The following NACC2 variants were observed in gnomAD, a reference collection of about 807,000 sequenced individuals.
NACC2 encodes NACC family member 2, also known as nucleus accumbens-associated protein 2.
NACC2 carries 8 observed loss-of-function variants against 25.1 expected under a neutral mutation model. The observed-to-expected ratio is 0.32, with a 90% CI of 0.19 to 0.57. NACC2 has a LOEUF of 0.57. NACC2 is among the 20% of genes least tolerant of loss of function. NACC2 has a pLI of 0.89. For synonymous variants in NACC2, 435 were observed against 294.7 expected (o/e 1.48, Z -4.88); for missense variants, 644 against 650.2 (o/e 0.99, Z 0.10).
At position 136,060,592 on chromosome 9, in the gene NACC2, C is replaced by T. The variant is rs549494219; in HGVS notation, c.-59-10012G>A. Among the ~76,000 whole-genome samples, 25 of 152,364 alleles carry T rather than the reference C, an allele frequency of 1.6e-4. 1 individual carries two copies. The highest frequency in any genetic ancestry group is 4.3e-4 in the African/African-American group (18 of 41,590). On this transcript the variant is annotated intron_variant, in intron 1 of 5. Coordinates refer to ENST00000277554, the MANE Select transcript of NACC2 (RefSeq NM_144653.5). ...GACTCATCTGGTTCAGTCCCTGGCC[C>T]GAGAAGGCCAAGCCCTGCTTGATCC...
intron 1 of NACC2, among the ~76,000 whole-genome samples, chr9:136,077,041 G>A (rs1018044106): frequency 6.6e-6 from 1 of 151,708 alleles, no homozygotes; most frequent in African/African-American, 2.4e-5. Context: ...ATAGCCGGGT[G>A]TGGTGGCGGG....
At chr9:136,059,454 G>C (rs1840977736) in intron 1 of NACC2, among the ~76,000 whole-genome samples, 2 of 152,230 alleles carry the variant, frequency 1.3e-5, no homozygotes, top group Non-Finnish European at 2.9e-5. Flanking sequence ...GTGGACAGCG[G>C]CAGCCCAAGG....
At position 136,024,549 on chromosome 9, in the gene NACC2, GAC is replaced by G. The variant is rs975894762; in HGVS notation, c.887-8122_887-8121del. 4.9e-4 allele frequency among the ~76,000 whole-genome samples: 74 copies of G among 150,304 alleles called. No individual in the cohort carries two copies. In the East Asian group the frequency reaches 0.014, roughly 28 times the overall value. On this transcript the variant is annotated intron_variant, in intron 2 of 5. Transcript: ENST00000277554. ...TGTGTGTGTGGACAGTGTGTGTGAG[GAC>G]AGTGTGTGTAAGGACAGAGTGTGTG...
chr9:136,042,907 G>C (rs978064324), intron 2 of NACC2, among the ~76,000 whole-genome samples: 1 of 138,024 alleles, frequency 7.2e-6, no homozygotes, highest in South Asian at 2.4e-4. Flanking sequence ...GACACACACA[G>C]AGACACAGAG....
intron 1 of NACC2, among the ~76,000 whole-genome samples, chr9:136,075,475 G>T (rs532804545): frequency 2.0e-5 from 3 of 152,368 alleles, no homozygotes; most frequent in Admixed American, 6.5e-5. Context: ...CAGCGGCTCC[G>T]TGTGAACCTG....
rs1234630916 is a variant in NACC2 at position 136,038,779 on chromosome 9, C to T, written c.886+10857G>A. Among the ~76,000 whole-genome samples, 6 of 152,086 alleles carry T rather than the reference C, an allele frequency of 3.9e-5. No individual in the cohort carries two copies. In the East Asian group the frequency reaches 5.8e-4, roughly 15 times the overall value. On this transcript the variant is annotated intron_variant, in intron 2 of 5. Coordinates refer to ENST00000277554, the MANE Select transcript of NACC2 (RefSeq NM_144653.5). The stretch of plus-strand genomic sequence containing the variant: ...GTCTTAAGTTATGCACGAGGGGCAT[C>T]GCACAATTGAGGAGGTGGGCTGAGG...
At chr9:136,090,130 CA>C (rs930567456) in intron 1 of NACC2, among the ~76,000 whole-genome samples, 3 of 152,226 alleles carry the variant, frequency 2.0e-5, no homozygotes, top group Admixed American at 1.3e-4. Flanking sequence ...GTCAAGAATT[CA>C]GCAAAGATGG....
At chr9:136,050,706 C>T in intron 1 of NACC2, 126 bp from the exon 2 acceptor site, 1 of 618,874 alleles carries the variant, frequency 1.6e-6, no homozygotes. Flanking sequence ...ACGCGCCCTC[C>T]CCCGCCCCTC....
At chr9:136,079,058 C>CT (rs10540260) in intron 1 of NACC2, among the ~76,000 whole-genome samples, 3,282 of 148,584 alleles carry the variant, frequency 0.022, 115 homozygotes, top group African/African-American at 0.074. Context: ...ATAGCTTCTT[C>CT]TTTTTTTTTT....
chr9:136,085,149 T>TTTC (rs1830365346), intron 1 of NACC2, among the ~76,000 whole-genome samples: 2 of 124,072 alleles, frequency 1.6e-5, no homozygotes, highest in Non-Finnish European at 1.7e-5. Context: ...TTTTTTTTTT[T>TTTC]TTTTTTTTTT....
intron 1 of NACC2, among the ~76,000 whole-genome samples, chr9:136,079,617 A>G: frequency 6.6e-6 from 1 of 152,192 alleles, no homozygotes; most frequent in East Asian, 1.9e-4. Flanking sequence ...AGGGCAGAAG[A>G]GAGGCCAGAG....
chr9:136,057,641 C>T (rs1588574719), intron 1 of NACC2, among the ~76,000 whole-genome samples: 2 of 152,338 alleles, frequency 1.3e-5, no homozygotes, highest in South Asian at 2.1e-4. Flanking sequence ...CCAGCTCCAG[C>T]GCAGGGCCCC....
chr9:136,091,066 G>C lies in NACC2; in HGVS notation c.-60+4123C>G, dbSNP rs531740152. ...GGAGATTCCTTTAGAGAGACCCGGA[G>C]CCAGCCTCTCCTCCCTGTGGGTCCC... On this transcript the variant is annotated intron_variant, in intron 1 of 5. Transcript: ENST00000277554. 4.6e-5 allele frequency among the ~76,000 whole-genome samples: 7 copies of C among 152,338 alleles called. 1 individual carries two copies. Among genetic ancestry groups the C allele is most frequent in the African/African-American group, 1.7e-4 (7 of 41,588 alleles).
At chr9:136,046,353 C>G (rs1279831628) in intron 2 of NACC2, among the ~76,000 whole-genome samples, 1 of 152,188 alleles carries the variant, frequency 6.6e-6, no homozygotes, top group African/African-American at 2.4e-5. Context: ...CCGGTGGATA[C>G]GATGTTTTTC....
In NACC2 at chr9:136,013,433, G is replaced by A. The variant is rs12003436; in HGVS notation, c.1158-137C>T. On this transcript the variant is annotated intron_variant, in intron 4 of 5. Transcript: ENST00000277554. This position sits in a 1 kb window ranked among gnomAD's most constrained non-coding sequence, Gnocchi z 6.6. ...TGGTCTGCGTGTGTCCCAGTGGCAG[G>A]AGCCGGCCCAGCCACCCTCTAAGGG... 0.021 allele frequency: 14,900 copies of A among 708,758 alleles called. 342 individuals are homozygous for A. The highest frequency in any genetic ancestry group is 0.087 in the African/African-American group (4,875 of 56,306). 43.9% of individuals were successfully genotyped at this position (708,758 alleles called of 1,614,324 possible).
intron 1 of NACC2, among the ~76,000 whole-genome samples, chr9:136,065,052 A>C (rs1841064036): frequency 6.6e-6 from 1 of 152,262 alleles, no homozygotes; most frequent in Non-Finnish European, 1.5e-5. Flanking sequence ...TACAAAAATT[A>C]ACTTAAAATA....
chr9:136,021,034 G>A (rs1435861462), intron 2 of NACC2, among the ~76,000 whole-genome samples: 6 of 152,118 alleles, frequency 3.9e-5, no homozygotes, highest in Non-Finnish European at 7.3e-5. Context: ...AATGATTGAC[G>A]AGCTAGAATT....
At chr9:136,042,789 CAT>C (rs1367371759) in intron 2 of NACC2, among the ~76,000 whole-genome samples, 46 of 150,764 alleles carry the variant, frequency 3.1e-4, no homozygotes, top group Non-Finnish European at 4.6e-4. Context: ...CACACACACA[CAT>C]AGACACAGTG....
Position 136,011,803 on chromosome 9 carries a change from G to A in NACC2, c.1477C>T (p.Gln493Ter). The change falls in exon 6 of 6, where the codon CAA becomes TAA. Residue 493 changes from glutamine (Q) to a stop codon, truncating the protein, a stop_gained. Coordinates refer to ENST00000277554, the MANE Select transcript of NACC2 (RefSeq NM_144653.5). LOFTEE classifies it high-confidence loss of function. ...CCCCGCCGCTCGGCGTAGATGCGTT[G>A]CTCGAACACCTGTGCCGCGGCAGGC... ...FPPAAAQVFE[Q>*]RIYAERRGDA... The A allele has an allele frequency of 6.3e-7, 1 of 1,580,880 alleles. No homozygotes were observed. The highest frequency in any genetic ancestry group is 8.6e-7 in the Non-Finnish European group (1 of 1,164,690).
Sources: gnomAD v4.1 joint callset for allele counts (sites outside exome capture counted in the v4.1 genomes callset) on GRCh38, gnomAD v4.1.1 for gene constraint, Gnocchi (gnomAD v3.1) non-coding constraint, MANE v1.5 for transcripts, NCBI Gene and HGNC (gene_info 2026-07-23, HGNC 2026-07-21) for gene names.